DBNL: variants seen among roughly 807,000 people sequenced by gnomAD.
The protein encoded by DBNL is drebrin-like protein.
Under a neutral mutation model 62.2 loss-of-function variants are expected in DBNL, and 35 were observed. The ratio of observed to expected loss-of-function variants is 0.56; its 90% CI spans 0.43 to 0.75. DBNL has a LOEUF of 0.75. DBNL is among the 30% of genes least tolerant of loss of function. The pLI is 0.00. For missense variants in DBNL, 495 were observed against 578.4 expected, an observed-to-expected ratio of 0.86 and a Z score of 1.48; for synonymous variants, 197 against 218.0, an observed-to-expected ratio of 0.90 and a Z score of 0.85.
chr7:44,060,899 G>A lies in DBNL; in HGVS notation c.1276G>A (p.Val426Met), dbSNP rs765506722. The change falls in exon 13 of 13, where the codon GTG becomes ATG. Residue 426 changes from valine (V) to methionine (M), a missense_variant. Physicochemically the swap from Val to Met is conservative, Grantham distance 21 (BLOSUM62 1). Coordinates refer to ENST00000448521, the MANE Select transcript of DBNL (RefSeq NM_001014436.3). The surrounding 1 kb of genome is among the most constrained non-coding windows in gnomAD (Gnocchi z 6.3). ...GHFGMFPANY[V>M]ELIE ...TTTTGGCATGTTCCCTGCCAACTAC[G>A]TGGAGCTCATTGAGTGAGGCTGAGG... 5.6e-6 allele frequency: 9 copies of A among 1,613,906 alleles called. No individual in the cohort carries two copies. The highest frequency in any genetic ancestry group is 2.2e-5 in the East Asian group (1 of 44,900).
Position 44,058,126 on chromosome 7 carries a change from C to A in DBNL, c.553-3C>A. On this transcript the variant is annotated splice_polypyrimidine_tract_variant and splice_region_variant and intron_variant, in intron 6 of 12. Transcript: ENST00000448521. ...GCTGAGCGGGCAGTGGCTCTCCCTG[C>A]AGAAGGAGGAGGAGAACCGTCGGCT... 6.4e-7 allele frequency: 1 copy of A among 1,554,402 alleles called. No individual in the cohort carries two copies. The highest frequency in any genetic ancestry group is 8.7e-7 in the Non-Finnish European group (1 of 1,149,104).
Position 44,065,279 on chromosome 7 carries a change from G to A in DBNL, c.*4363G>A. 1 of 1,613,702 alleles carries A rather than the reference G, an allele frequency of 6.2e-7. No homozygotes were observed. Among genetic ancestry groups the A allele is most frequent in the East Asian group, 2.2e-5 (1 of 44,886 alleles). ...GTAATGCCGCTCATTGAGGCGCCAA[G>A]TGCGCACCACAGGCAGCCACATCTG... On this transcript the variant is annotated 3_prime_UTR_variant, in exon 13 of 13. Coordinates refer to ENST00000448521, the MANE Select transcript of DBNL (RefSeq NM_001014436.3).
At position 44,051,977 on chromosome 7, in the gene DBNL, G is replaced by A. The variant is rs76064691; in HGVS notation, c.252+35G>A. On this transcript the variant is annotated intron_variant, in intron 3 of 12. Coordinates refer to ENST00000448521, the MANE Select transcript of DBNL (RefSeq NM_001014436.3). ...GCCTGTTTCATCTAGGTGTGACCCA[G>A]GAAACCCCATTGTCTTCTTTCCTGT... is the stretch of plus-strand genomic sequence containing the variant. 11,944 of 1,592,448 alleles carry A rather than the reference G, an allele frequency of 7.5e-3. 776 individuals carry two copies. The African/African-American group carries it at 0.14, about 19-fold the overall frequency.
At chr7:44,056,586 C>T (rs1215360096) in intron 4 of DBNL, among the ~76,000 whole-genome samples, 171 bp from the exon 5 acceptor site, 1 of 152,130 alleles carries the variant, frequency 6.6e-6, no homozygotes, top group South Asian at 2.1e-4. Flanking sequence ...TTTGTTTGAG[C>T]CCTTGAGGGG....
In DBNL at chr7:44,060,714, GC is replaced by G; in HGVS notation, c.1154-60del. 1 of 1,586,234 alleles carries G rather than the reference GC, an allele frequency of 6.3e-7. No homozygotes were observed. The highest frequency in any genetic ancestry group is 8.6e-7 in the Non-Finnish European group (1 of 1,163,742). ...CAGCAGTGTGGGGCTGCCGTGGGCTGCCCGAGCAGGTGGGATGTGGGAGGGA... is the reference window on the plus strand; with the variant it reads ...CAGCAGTGTGGGGCTGCCGTGGGCTGCCGAGCAGGTGGGATGTGGGAGGGA... On this transcript the variant is annotated intron_variant, in intron 12 of 12. Transcript: ENST00000448521. The surrounding 1 kb of genome is among the most constrained non-coding windows in gnomAD (Gnocchi z 6.3).
chr7:44,065,058 C>G lies in DBNL; in HGVS notation c.*4142C>G. ...GCTTTCCCTCCCAAGCCAGTGGGCC[C>G]CCACCCGACTCCCCACTCTGCAGCT... On this transcript the variant is annotated 3_prime_UTR_variant, in exon 13 of 13. Coordinates refer to ENST00000448521, the MANE Select transcript of DBNL (RefSeq NM_001014436.3). 1 of 1,610,136 alleles carries G rather than the reference C, an allele frequency of 6.2e-7. No individual in the cohort carries two copies. Among genetic ancestry groups the G allele is most frequent in the Non-Finnish European group, 8.5e-7 (1 of 1,179,786 alleles).
rs368147620 is a variant in DBNL, at chr7:44,065,148, C to T, written c.*4232C>T. ...ATGGAGTTGTAGTAGGGGTGCTTCT[C>T]GTCCATCGGGGGCGGCGGGATGTCG... On this transcript the variant is annotated 3_prime_UTR_variant, in exon 13 of 13. Coordinates refer to ENST00000448521, the MANE Select transcript of DBNL (RefSeq NM_001014436.3). 2.5e-5 allele frequency: 40 copies of T among 1,613,958 alleles called. No homozygotes were observed. Among genetic ancestry groups the T allele is most frequent in the African/African-American group, 2.4e-4 (18 of 74,938 alleles).
Position 44,067,746 on chromosome 7 carries a change from G to A in DBNL, c.*6830G>A, listed in dbSNP as rs2096162573. 6.6e-6 allele frequency: 1 copy of A among 152,258 alleles called. No homozygotes were observed. Among genetic ancestry groups the A allele is most frequent in the Non-Finnish European group, 1.5e-5 (1 of 68,068 alleles). The allele number at this position is 152,258 out of a possible 1,614,324, so 9.4% of individuals were successfully genotyped here. ...GAGTCAACAAGGTGGTCCCAGGAAG[G>A]TGGAGGGAGCATCTTCCCATGTCTC... On this transcript the variant is annotated 3_prime_UTR_variant, in exon 13 of 13. Coordinates refer to ENST00000448521, the MANE Select transcript of DBNL (RefSeq NM_001014436.3).
Position 44,059,743 on chromosome 7 carries a change from C to A in DBNL, c.1047+85C>A. The A allele has an allele frequency of 1.5e-6, 2 of 1,304,278 alleles. No homozygotes were observed. The highest frequency in any genetic ancestry group is 1.4e-5 in the South Asian group (1 of 74,018). The allele number at this position is 1,304,278 out of a possible 1,614,324, so 80.8% of individuals were successfully genotyped here. A position where few individuals can be genotyped will look rare whatever the true frequency, so the allele number is the denominator to read the frequency against. Reference sequence around the variant, plus strand: ...ACGGGCCGCCTGAGTTTTCTGGGGGCATGCAACAGGTTTTAAAGCACATGC... The same window carrying A: ...ACGGGCCGCCTGAGTTTTCTGGGGGAATGCAACAGGTTTTAAAGCACATGC... On this transcript the variant is annotated intron_variant, in intron 11 of 12. Transcript: ENST00000448521. This position sits in a 1 kb window ranked among gnomAD's most constrained non-coding sequence, Gnocchi z 4.1.
intron 5 of DBNL, among the ~76,000 whole-genome samples, chr7:44,057,405 T>C (rs185768760): frequency 6.6e-6 from 1 of 152,288 alleles, no homozygotes; most frequent in African/African-American, 2.4e-5. Context: ...TTGGATGCTC[T>C]TGTGGTAGTC....
At position 44,052,960 on chromosome 7, in the gene DBNL, C is replaced by G. The variant is rs372137919; in HGVS notation, c.327+19C>G. Reference sequence around the variant, plus strand: ...CCTGAAGGTAAGGCCAGGTGAGGCCCGCTTCACTGGGAACAGGCCTCACAG... The same window carrying G: ...CCTGAAGGTAAGGCCAGGTGAGGCCGGCTTCACTGGGAACAGGCCTCACAG... On this transcript the variant is annotated intron_variant, in intron 4 of 12. Coordinates refer to ENST00000448521, the MANE Select transcript of DBNL (RefSeq NM_001014436.3). The G allele has an allele frequency of 1.0e-4, 163 of 1,608,228 alleles. No homozygotes were observed. Among genetic ancestry groups the G allele is most frequent in the Non-Finnish European group, 6.9e-5 (81 of 1,178,730 alleles).
rs1585971737 is a variant in DBNL at position 44,044,807 on chromosome 7, T to C, written c.70T>C (p.Ser24Pro). 1 of 1,465,978 alleles carries C rather than the reference T, an allele frequency of 6.8e-7. No individual in the cohort carries two copies. The allele number at this position is 1,465,978 out of a possible 1,614,324, so 90.8% of individuals were successfully genotyped here. The change falls in exon 1 of 13, where the codon TCC becomes CCC. Residue 24 changes from serine to proline, a missense_variant. Transcript: ENST00000448521. ...EAYVRVVTEK[S>P]PTDWALFTYE... Reference sequence around the variant, plus strand: ...CTACGTGCGGGTGGTCACCGAGAAGTCCCCGACCGACTGGTGGGCGGCGAG... The same window carrying C: ...CTACGTGCGGGTGGTCACCGAGAAGCCCCCGACCGACTGGTGGGCGGCGAG...
intron 4 of DBNL, among the ~76,000 whole-genome samples, chr7:44,054,129 C>T (rs1359216196): frequency 6.6e-6 from 1 of 152,138 alleles, no homozygotes; most frequent in East Asian, 1.9e-4. Context: ...AAATCATTGG[C>T]TTACTTTTTG....
At chr7:44,050,147 G>A in intron 1 of DBNL, 78 bp from the exon 2 acceptor site, 1 of 1,520,164 alleles carries the variant, frequency 6.6e-7, no homozygotes, top group Non-Finnish European at 9.1e-7. Context: ...GGGATGTAGT[G>A]GAAAGTCATG....
At chr7:44,047,806 C>G (rs563838106) in intron 1 of DBNL, among the ~76,000 whole-genome samples, 1 of 151,720 alleles carries the variant, frequency 6.6e-6, no homozygotes, top group African/African-American at 2.4e-5. Context: ...TGAGCCTCTG[C>G]GCTGGGAACA....
intron 1 of DBNL, among the ~76,000 whole-genome samples, chr7:44,047,536 A>G (rs1319861889): frequency 6.6e-6 from 1 of 152,140 alleles, no homozygotes. Context: ...ACTCTCTAAT[A>G]GTACGTTAGT....
At chr7:44,050,075 TC>T in intron 1 of DBNL, 149 bp from the exon 2 acceptor site, 1 of 779,994 alleles carries the variant, frequency 1.3e-6, no homozygotes, top group Non-Finnish European at 2.1e-6. Flanking sequence ...GCCTAGTGGG[TC>T]AGAGCAAAGT....
Position 44,067,354 on chromosome 7 carries a change from T to A in DBNL, c.*6438T>A, listed in dbSNP as rs141587840. 6.6e-6 allele frequency: 1 copy of A among 151,702 alleles called. No individual in the cohort carries two copies. The highest frequency in any genetic ancestry group is 1.5e-5 in the Non-Finnish European group (1 of 67,912). 9.4% of individuals were successfully genotyped at this position (151,702 alleles called of 1,614,324 possible). On this transcript the variant is annotated 3_prime_UTR_variant, in exon 13 of 13. Coordinates refer to ENST00000448521, the MANE Select transcript of DBNL (RefSeq NM_001014436.3). ...CAAGTCACTTGCAGCTGTGTAGGAG[T>A]GGAAGTAGAAGCTGAGTACCCTGCA... is the stretch of plus-strand genomic sequence containing the variant.
chr7:44,065,729 A>T lies in DBNL; in HGVS notation c.*4813A>T, dbSNP rs1016382023. Reference sequence around the variant, plus strand: ...GTGCAGGCCAAGAGGCTGTGCTTAAAATAGCCCCACGCATCCACCAGCTCC... The same window carrying T: ...GTGCAGGCCAAGAGGCTGTGCTTAATATAGCCCCACGCATCCACCAGCTCC... On this transcript the variant is annotated 3_prime_UTR_variant, in exon 13 of 13. Transcript: ENST00000448521. The T allele has an allele frequency of 9.7e-6, 6 of 620,674 alleles. No homozygotes were observed. The Admixed American group carries it at 1.6e-4, about 16-fold the overall frequency. 38.4% of individuals were successfully genotyped at this position (620,674 alleles called of 1,614,324 possible). A position where few individuals can be genotyped will look rare whatever the true frequency, so the allele number is the denominator to read the frequency against.
Sources: gnomAD v4.1 joint callset for allele counts (sites outside exome capture counted in the v4.1 genomes callset) on GRCh38, gnomAD v4.1.1 for gene constraint, Gnocchi (gnomAD v3.1) non-coding constraint, MANE v1.5 for transcripts, NCBI Gene and HGNC (gene_info 2026-07-23, HGNC 2026-07-21) for gene names.